Variants in PRAG1 observed in about 807,000 individuals in gnomAD.
PRAG1 encodes PEAK1 related, kinase-activating pseudokinase 1, also known as inactive tyrosine-protein kinase PRAG1.
A neutral mutation model predicts 95.6 loss-of-function variants in PRAG1; 110 were observed. The ratio of observed to expected loss-of-function variants is 1.15; its 90% CI spans 0.99 to 1.35. The LOEUF is 1.35. PRAG1 is among the 40% of genes most tolerant of loss of function. PRAG1 has a pLI of 0.00. For missense variants in PRAG1, 2,554 were observed against 1,864.7 expected (o/e 1.37, Z -6.81); for synonymous variants, 1,052 against 819.4 (o/e 1.28, Z -4.85).
intron 2 of PRAG1, among the ~76,000 whole-genome samples, chr8:8,380,902 G>C (rs1800613153): frequency 6.6e-6 from 1 of 150,926 alleles, no homozygotes; most frequent in South Asian, 2.1e-4. Context: ...TGGTATTGTG[G>C]TTATGTTTTT....
intron 3 of PRAG1, among the ~76,000 whole-genome samples, chr8:8,367,241 A>G (rs1800037092): frequency 6.6e-6 from 1 of 151,688 alleles, no homozygotes; most frequent in Admixed American, 6.6e-5. Context: ...GGTGGATCAC[A>G]TGAGGTCAGG....
Position 8,328,062 on chromosome 8 carries a change from C to G in PRAG1, c.2720G>C (p.Ser907Thr). The change falls in exon 5 of 6, where the codon AGC (serine) becomes ACC (threonine). Residue 907 changes from serine (S) to threonine (T), a missense_variant. Ser to Thr is a moderately conservative substitution (Grantham distance 58). Transcript: ENST00000615670. ...GLAGNRGGCG[S>T]PGLQCKGAPS... The stretch of plus-strand genomic sequence containing the variant: ...GGCCCCTTTGCACTGGAGGCCAGGG[C>G]TCCCGCAGCCGCCTCTGTTGCCCGC... 3 of 1,596,792 alleles carry G rather than the reference C, an allele frequency of 1.9e-6. No homozygotes were observed. In the South Asian group the frequency reaches 3.4e-5, roughly 18 times the overall value.
intron 3 of PRAG1, chr8:8,374,774 T>C (rs1800323977): frequency 1.1e-6 from 1 of 910,258 alleles, no homozygotes; most frequent in East Asian, 1.2e-4. Context: ...CAGAACAAAG[T>C]AGTGGTCATG....
intron 5 of PRAG1, among the ~76,000 whole-genome samples, chr8:8,326,192 A>T (rs1798632866): frequency 6.8e-6 from 1 of 147,846 alleles, no homozygotes; most frequent in South Asian, 2.1e-4. Flanking sequence ...ATTGAATATT[A>T]GTATTATTAC....
intron 5 of PRAG1, 87 bp from the exon 6 acceptor site, chr8:8,319,389 C>T: frequency 8.7e-7 from 1 of 1,143,344 alleles, no homozygotes; most frequent in Non-Finnish European, 1.2e-6. Flanking sequence ...TATCTACGTG[C>T]AATAAGCCTA....
chr8:8,325,898 C>T (rs933810366), intron 5 of PRAG1, among the ~76,000 whole-genome samples: 4 of 151,014 alleles, frequency 2.6e-5, no homozygotes, highest in African/African-American at 7.3e-5. Flanking sequence ...GGCAACAGAG[C>T]GAGACTCTGT....
chr8:8,337,525 T>C (rs1799028762), intron 4 of PRAG1, among the ~76,000 whole-genome samples: 1 of 152,166 alleles, frequency 6.6e-6, no homozygotes, highest in African/African-American at 2.4e-5. Context: ...GCCTTTGGTC[T>C]CTTGCCAGTT....
intron 1 of PRAG1, 86 bp from the exon 2 acceptor site, chr8:8,381,920 A>G (rs1034493173): frequency 5.4e-6 from 3 of 555,982 alleles, no homozygotes; most frequent in Non-Finnish European, 9.4e-6. Flanking sequence ...CTATTTGATC[A>G]GGGAGAAGGA....
At position 8,379,556 on chromosome 8, in the gene PRAG1, A is replaced by G. The variant is rs377418678; in HGVS notation, c.331-1478T>C. ...GGGGACATCAAGTTCACTGCAACCA[A>G]AGGAAATGCCTCTCCTCAATGAAGA... is the stretch of plus-strand genomic sequence containing the variant. On this transcript the variant is annotated intron_variant, in intron 2 of 5. Transcript: ENST00000615670. Among the ~76,000 whole-genome samples, 15 of 152,302 alleles carry G rather than the reference A, an allele frequency of 9.8e-5. No homozygotes were observed. The South Asian group carries it at 3.1e-3, about 32-fold the overall frequency.
chr8:8,377,123 G>A lies in PRAG1; in HGVS notation c.1286C>T (p.Ser429Leu), dbSNP rs748155501. 8.7e-6 allele frequency: 14 copies of A among 1,612,934 alleles called. No homozygotes were observed. Among genetic ancestry groups the A allele is most frequent in the South Asian group, 1.1e-5 (1 of 91,088 alleles). Reference sequence around the variant, plus strand: ...AGCTGCATGTTCTATCTTGGCCTGTGACTTGGAAGGCACCGGAGCTGCCTT... The same window carrying A: ...AGCTGCATGTTCTATCTTGGCCTGTAACTTGGAAGGCACCGGAGCTGCCTT... ...RKKAAPVPSK[S>L]QAKIEHAAAA... Residue 429 changes from serine to leucine, a missense_variant, in exon 3 of 6, where the codon TCA becomes TTA. Transcript: ENST00000615670.
rs760762330 is a variant in PRAG1 at position 8,318,125 on chromosome 8, G to A, written c.*29C>T. On this transcript the variant is annotated 3_prime_UTR_variant, in exon 6 of 6. Transcript: ENST00000615670. This position sits in a 1 kb window ranked among gnomAD's most constrained non-coding sequence, Gnocchi z 4.2. ...ACAGGAAAGGGTTAGGCAGGGAAGG[G>A]GCAGCGACGGTGCAGGCTGGGGCTT... 6.3e-7 allele frequency: 1 copy of A among 1,584,002 alleles called. No individual in the cohort carries two copies. Among genetic ancestry groups the A allele is most frequent in the African/African-American group, 1.3e-5 (1 of 74,500 alleles).
chr8:8,377,939 G>T lies in PRAG1; in HGVS notation c.470C>A (p.Pro157Gln). 6.2e-7 allele frequency: 1 copy of T among 1,614,008 alleles called. No homozygotes were observed. Among genetic ancestry groups the T allele is most frequent in the Non-Finnish European group, 8.5e-7 (1 of 1,179,996 alleles). ...TSPDGNSRCP[P>Q]AYTMVGLHNL... is the part of the protein sequence containing the mutation. ...GTGCAGGCCGACCATGGTGTAAGCT[G>T]GGGGACAGCGAGAATTGCCATCAGG... Residue 157 changes from proline (P) to glutamine (Q), a missense_variant, in exon 3 of 6, where the codon CCA (proline) becomes CAA (glutamine). Physicochemically the swap from Pro to Gln is moderately conservative, Grantham distance 76 (BLOSUM62 -1). Transcript: ENST00000615670.
At chr8:8,368,953 C>A (rs527637417) in intron 3 of PRAG1, among the ~76,000 whole-genome samples, 1 of 150,594 alleles carries the variant, frequency 6.6e-6, no homozygotes, top group East Asian at 2.0e-4. Context: ...GTAATAGAGA[C>A]CGGTAGCAGG....
At chr8:8,346,129 C>A (rs137960518) in intron 3 of PRAG1, among the ~76,000 whole-genome samples, 4 of 152,286 alleles carry the variant, frequency 2.6e-5, no homozygotes, top group African/African-American at 9.6e-5. Context: ...GTACTCAATG[C>A]GGTATAACAA....
intron 3 of PRAG1, among the ~76,000 whole-genome samples, chr8:8,342,731 G>A (rs758258519): frequency 6.6e-6 from 1 of 152,036 alleles, no homozygotes; most frequent in Non-Finnish European, 1.5e-5. Context: ...AAAAAAGAAA[G>A]TAGAGCCATA....
At chr8:8,327,305 C>T (rs564488219) in intron 5 of PRAG1, among the ~76,000 whole-genome samples, 2 of 152,146 alleles carry the variant, frequency 1.3e-5, no homozygotes, top group African/African-American at 4.8e-5. Context: ...GGTGGTGGCT[C>T]ACACCTGTAA....
At position 8,318,164 on chromosome 8, in the gene PRAG1, T is replaced by C. The variant is rs777379448; in HGVS notation, c.4211A>G (p.Gln1404Arg). 8.7e-6 allele frequency: 14 copies of C among 1,612,678 alleles called. 1 individual carries two copies. The East Asian group carries it at 2.2e-4, about 26-fold the overall frequency. The change falls in exon 6 of 6, where the codon CAG becomes CGG. Residue 1404 changes from glutamine (Q) to arginine (R), a missense_variant. Transcript: ENST00000615670. This position sits in a 1 kb window ranked among gnomAD's most constrained non-coding sequence, Gnocchi z 4.2. The part of the protein sequence containing the change: ...GALLQSLKLL[Q>R]LL ...AGGCTGGGGCTTGGCTCACAGAAGCTGCAGGAGCTTCAGCGACTGTAAGAG... is the reference window on the plus strand; with the variant it reads ...AGGCTGGGGCTTGGCTCACAGAAGCCGCAGGAGCTTCAGCGACTGTAAGAG...
At chr8:8,382,151 G>A (rs1209478186) in intron 1 of PRAG1, among the ~76,000 whole-genome samples, 1 of 152,180 alleles carries the variant, frequency 6.6e-6, no homozygotes, top group Non-Finnish European at 1.5e-5. Context: ...GTTATGGGAA[G>A]AAATCACGTA....
intron 3 of PRAG1, among the ~76,000 whole-genome samples, chr8:8,372,707 AT>A: frequency 6.6e-6 from 1 of 152,350 alleles, no homozygotes; most frequent in Middle Eastern, 3.4e-3. Context: ...ACAGAGGACA[AT>A]ATCTCAAAAA....
Sources: gnomAD v4.1 joint callset for allele counts (sites outside exome capture counted in the v4.1 genomes callset) on GRCh38, gnomAD v4.1.1 for gene constraint, Gnocchi (gnomAD v3.1) non-coding constraint, MANE v1.5 for transcripts, NCBI Gene and HGNC (gene_info 2026-07-23, HGNC 2026-07-21) for gene names.